The following GRM8 variants were observed in gnomAD, a reference collection of about 807,000 sequenced individuals.
GRM8 encodes glutamate metabotropic receptor 8.
In GRM8, 47 loss-of-function variants were observed where a neutral mutation model predicts 87.2. That is an observed-to-expected ratio of 0.54 (90% CI 0.43 to 0.69). The LOEUF is 0.69. Ranked by LOEUF, GRM8 falls within the 30% of genes least tolerant of loss-of-function variation. The pLI, the probability that GRM8 is intolerant of heterozygous loss-of-function variation, is 0.00. For synonymous variants in GRM8, 396 were observed against 404.5 expected (o/e 0.98, Z 0.25); for missense variants, 1,019 against 1,139.2 (o/e 0.89, Z 1.52).
chr7:127,004,615 G>C (rs575574534), intron 3 of GRM8, among the ~76,000 whole-genome samples: 5 of 151,564 alleles, frequency 3.3e-5, no homozygotes, highest in African/African-American at 1.2e-4. Context: ...CTGTAAGAAA[G>C]TGCTTTAGTG....
intron 8 of GRM8, among the ~76,000 whole-genome samples, chr7:126,547,296 T>A (rs1345466083): frequency 6.6e-6 from 1 of 152,138 alleles, no homozygotes; most frequent in African/African-American, 2.4e-5. Flanking sequence ...AGAAAAGTAA[T>A]TTGGGGAAAA....
At chr7:126,666,839 C>G (rs1049049368) in intron 7 of GRM8, among the ~76,000 whole-genome samples, 3 of 152,140 alleles carry the variant, frequency 2.0e-5, no homozygotes, top group Admixed American at 1.3e-4. Context: ...TGCTCTTTAT[C>G]TATTTCAACT....
chr7:126,613,571 G>A (rs180823413), intron 7 of GRM8, among the ~76,000 whole-genome samples: 10 of 152,332 alleles, frequency 6.6e-5, no homozygotes, highest in African/African-American at 2.4e-4. Flanking sequence ...AGCCAAAGCA[G>A]GGCGAGGCAT....
At chr7:126,664,704 T>C (rs540485975) in intron 7 of GRM8, among the ~76,000 whole-genome samples, 51 of 152,248 alleles carry the variant, frequency 3.3e-4, no homozygotes, top group African/African-American at 1.1e-3. Context: ...ATTCTGGTCA[T>C]TGGCCTTGGG....
intron 3 of GRM8, among the ~76,000 whole-genome samples, chr7:126,905,660 C>T (rs751087933): frequency 6.6e-6 from 1 of 152,162 alleles, no homozygotes; most frequent in Non-Finnish European, 1.5e-5. Flanking sequence ...ATATTCTACG[C>T]ACTGGGCTCA....
At chr7:126,535,249 AATG>A (rs1357500737) in intron 8 of GRM8, among the ~76,000 whole-genome samples, 1 of 152,150 alleles carries the variant, frequency 6.6e-6, no homozygotes, top group Non-Finnish European at 1.5e-5. Context: ...ATATTCCAGA[AATG>A]ATGATACGTC....
At chr7:126,544,345 C>T (rs1051595261) in intron 8 of GRM8, among the ~76,000 whole-genome samples, 7 of 152,100 alleles carry the variant, frequency 4.6e-5, no homozygotes, top group African/African-American at 1.7e-4. Context: ...AGGCAGTAGG[C>T]AGATGGGAGT....
intron 7 of GRM8, among the ~76,000 whole-genome samples, chr7:126,671,200 A>C (rs957083770): frequency 1.6e-4 from 24 of 152,184 alleles, no homozygotes; most frequent in African/African-American, 4.1e-4. Flanking sequence ...ACTTTCTAAC[A>C]GGTCCAGGAG....
intron 2 of GRM8, among the ~76,000 whole-genome samples, chr7:127,226,633 T>A (rs1234889328): frequency 6.6e-6 from 1 of 152,176 alleles, no homozygotes; most frequent in African/African-American, 2.4e-5. Flanking sequence ...TGCAAAAAAA[T>A]TGGAAATGGG....
chr7:127,223,368 T>C (rs1797063444), intron 2 of GRM8, among the ~76,000 whole-genome samples: 1 of 151,904 alleles, frequency 6.6e-6, no homozygotes, highest in African/African-American at 2.4e-5. Context: ...CAGCCTAGCT[T>C]CTTTTAGATT....
chr7:126,660,183 G>A (rs918697057), intron 7 of GRM8, among the ~76,000 whole-genome samples: 23 of 152,264 alleles, frequency 1.5e-4, no homozygotes, highest in African/African-American at 5.3e-4. Flanking sequence ...AAAGCGTGGG[G>A]ACTGGAAGCC....
intron 6 of GRM8, among the ~76,000 whole-genome samples, chr7:126,863,145 T>C (rs1453468818): frequency 6.6e-6 from 1 of 152,152 alleles, no homozygotes; most frequent in Non-Finnish European, 1.5e-5. Context: ...AGTTTTTATA[T>C]ATACTATGTT....
chr7:126,753,178 T>C (rs1046106526), intron 7 of GRM8, among the ~76,000 whole-genome samples: 2 of 152,004 alleles, frequency 1.3e-5, no homozygotes, highest in African/African-American at 4.8e-5. Flanking sequence ...CTTGACTATC[T>C]GTGAGTCTTA....
At chr7:127,228,628 T>C (rs1797493413) in intron 2 of GRM8, 1 of 152,132 alleles carries the variant, frequency 6.6e-6, no homozygotes, top group African/African-American at 2.4e-5. Flanking sequence ...GTTTCATGAT[T>C]CCAGGCATTT....
At chr7:126,914,233 C>T (rs1016091467) in intron 3 of GRM8, among the ~76,000 whole-genome samples, 11 of 152,146 alleles carry the variant, frequency 7.2e-5, no homozygotes, top group African/African-American at 2.7e-4. Flanking sequence ...CATCATCACA[C>T]ACCAGTCAGA....
At chr7:126,458,486 G>A (rs1461314798) in intron 9 of GRM8, among the ~76,000 whole-genome samples, 2 of 151,198 alleles carry the variant, frequency 1.3e-5, no homozygotes, top group Non-Finnish European at 3.0e-5. Context: ...CACAATGTAT[G>A]TAAGCAACGC....
In GRM8 at chr7:126,609,371, A is replaced by G. The variant is rs1348270327; in HGVS notation, c.1485T>C (p.Leu495=). The G allele has an allele frequency of 6.2e-7, 1 of 1,613,072 alleles. No individual in the cohort carries two copies. The highest frequency in any genetic ancestry group is 1.3e-5 in the African/African-American group (1 of 75,016). The change falls in exon 8 of 11, where the codon CTT becomes CTC. Residue 495 remains leucine, a synonymous_variant. Coordinates refer to ENST00000339582, the MANE Select transcript of GRM8 (RefSeq NM_000845.3). The part of the protein sequence containing the change: ...YKVIGHWTNQ[L]HLKVEDMQWA... ...TTATGACGATACTTGCTTTTAGATGAAGCTGATTGGTCCAGTGGCCGATGA... is the reference window on the plus strand; with the variant it reads ...TTATGACGATACTTGCTTTTAGATGGAGCTGATTGGTCCAGTGGCCGATGA...
intron 3 of GRM8, among the ~76,000 whole-genome samples, chr7:127,044,262 A>C (rs1818717430): frequency 6.6e-6 from 1 of 152,138 alleles, no homozygotes. Flanking sequence ...CTGAAGCAGA[A>C]CCAAGCTCAA....
intron 7 of GRM8, among the ~76,000 whole-genome samples, chr7:126,655,005 G>C (rs1028831470): frequency 5.3e-5 from 8 of 152,224 alleles, no homozygotes; most frequent in Middle Eastern, 3.4e-3. Flanking sequence ...TCTGGCAAAT[G>C]CAAGAAGTGA....
Sources: gnomAD v4.1 joint callset for allele counts (sites outside exome capture counted in the v4.1 genomes callset) on GRCh38, gnomAD v4.1.1 for gene constraint, MANE v1.5 for transcripts, NCBI Gene and HGNC (gene_info 2026-07-23, HGNC 2026-07-21) for gene names.